Variants in FRMD5 observed in about 807,000 individuals in gnomAD.
FRMD5 encodes FERM domain-containing protein 5.
A neutral mutation model predicts 69.0 loss-of-function variants in FRMD5; 20 were observed. The observed-to-expected ratio is 0.29, with a 90% CI of 0.20 to 0.42. FRMD5 has a LOEUF of 0.42. FRMD5 is among the 10% of genes least tolerant of loss of function. The pLI is 1.00. For synonymous variants in FRMD5, 271 were observed against 260.1 expected (o/e 1.04, Z -0.40); for missense variants, 595 against 708.6 (o/e 0.84, Z 1.82).
At chr15:43,910,852 T>G (rs140551890) in intron 4 of FRMD5, among the ~76,000 whole-genome samples, 1 of 152,330 alleles carries the variant, frequency 6.6e-6, no homozygotes, top group Admixed American at 6.5e-5. Flanking sequence ...TTATTACAGA[T>G]AGAGAAGCTG....
chr15:44,019,055 C>T (rs986468151), intron 1 of FRMD5, among the ~76,000 whole-genome samples: 45 of 151,968 alleles, frequency 3.0e-4, no homozygotes, highest in African/African-American at 9.4e-4. Flanking sequence ...CCACTACATC[C>T]GGCTAATTTT....
intron 1 of FRMD5, among the ~76,000 whole-genome samples, chr15:44,115,605 C>T (rs2076857195): frequency 6.6e-6 from 1 of 152,120 alleles, no homozygotes; most frequent in Non-Finnish European, 1.5e-5. Context: ...ACTTTATGCA[C>T]ATAACTGAAC....
At chr15:44,102,003 T>G (rs1205152567) in intron 1 of FRMD5, among the ~76,000 whole-genome samples, 1 of 152,248 alleles carries the variant, frequency 6.6e-6, no homozygotes, top group Non-Finnish European at 1.5e-5. Flanking sequence ...GAAAGCCATG[T>G]AATTTATTCT....
intron 1 of FRMD5, among the ~76,000 whole-genome samples, chr15:44,039,389 C>T (rs934824102): frequency 6.6e-6 from 1 of 152,202 alleles, no homozygotes; most frequent in Non-Finnish European, 1.5e-5. Flanking sequence ...AGACACCTCC[C>T]AGTAGGGGCC....
At chr15:44,168,742 G>A (rs979668253) in intron 1 of FRMD5, among the ~76,000 whole-genome samples, 3 of 152,114 alleles carry the variant, frequency 2.0e-5, no homozygotes, top group African/African-American at 7.2e-5. Flanking sequence ...TATCCCCAAC[G>A]TACTTCATTT....
rs143152932 is a variant in FRMD5, at chr15:44,102,327, A to G, written c.102+92626T>C. On this transcript the variant is annotated intron_variant, in intron 1 of 13. Transcript: ENST00000417257. ...AGCATCAGTTGAGTTCCACTCAAGG[A>G]AAGATTGAGTTCTGAGAAGGAAGGA... Among the ~76,000 whole-genome samples the G allele has an allele frequency of 3.2e-3, 491 of 152,370 alleles. 1 individual carries two copies. The highest frequency in any genetic ancestry group is 0.011 in the African/African-American group (438 of 41,578).
chr15:44,005,337 G>A (rs1890389511), intron 1 of FRMD5, among the ~76,000 whole-genome samples: 1 of 151,964 alleles, frequency 6.6e-6, no homozygotes, highest in South Asian at 2.1e-4. Context: ...CGGGCATGGT[G>A]GCATGTGCCT....
chr15:43,995,452 T>C (rs1425417674), intron 1 of FRMD5, among the ~76,000 whole-genome samples: 1 of 151,586 alleles, frequency 6.6e-6, no homozygotes, highest in Non-Finnish European at 1.5e-5. Context: ...GCAGGCTGGG[T>C]CCTAGGTCCA....
chr15:44,190,782 T>A (rs1385467364), intron 1 of FRMD5, among the ~76,000 whole-genome samples: 1 of 152,210 alleles, frequency 6.6e-6, no homozygotes, highest in Non-Finnish European at 1.5e-5. Context: ...GAAGTTAACA[T>A]AGCAATCATG....
rs74355526 is a variant in FRMD5 at position 43,930,314 on chromosome 15, C to T, written c.103-6005G>A. 4.1e-3 allele frequency among the ~76,000 whole-genome samples: 617 copies of T among 152,318 alleles called. 6 individuals are homozygous for T. The highest frequency in any genetic ancestry group is 0.014 in the African/African-American group (588 of 41,576). ...CTCATTCCAGGGGGAAATGCAGAGA[C>T]GTCCATCTGCAAGCAATACTCTCTT... is the stretch of plus-strand genomic sequence containing the variant. On this transcript the variant is annotated intron_variant, in intron 1 of 13. Transcript: ENST00000417257.
At chr15:44,071,750 G>A (rs530389165) in intron 1 of FRMD5, among the ~76,000 whole-genome samples, 3 of 152,112 alleles carry the variant, frequency 2.0e-5, no homozygotes, top group African/African-American at 4.8e-5. Flanking sequence ...TTGGACTCTT[G>A]TGTTATTCAT....
At chr15:44,135,554 A>G (rs2077169113) in intron 1 of FRMD5, among the ~76,000 whole-genome samples, 1 of 152,172 alleles carries the variant, frequency 6.6e-6, no homozygotes, top group African/African-American at 2.4e-5. Flanking sequence ...TGGGTCAGGC[A>G]TGGTGGCTCA....
intron 1 of FRMD5, among the ~76,000 whole-genome samples, chr15:44,028,568 T>C (rs1891540710): frequency 6.6e-6 from 1 of 152,190 alleles, no homozygotes; most frequent in Non-Finnish European, 1.5e-5. Flanking sequence ...GGTTCAGGTT[T>C]CCTGAGCCCC....
intron 1 of FRMD5, among the ~76,000 whole-genome samples, chr15:43,999,263 T>G (rs1890072964): frequency 6.6e-6 from 1 of 152,088 alleles, no homozygotes; most frequent in Non-Finnish European, 1.5e-5. Context: ...AGACAAGGCT[T>G]TGACATATTG....
At chr15:43,910,970 C>T (rs1164012000) in intron 4 of FRMD5, among the ~76,000 whole-genome samples, 1 of 152,346 alleles carries the variant, frequency 6.6e-6, no homozygotes, top group East Asian at 1.9e-4. Context: ...TGATATTCTG[C>T]CCTCCTTGCA....
rs145061446 is a variant in FRMD5, at chr15:44,057,055, C to T, written c.103-132746G>A. On this transcript the variant is annotated intron_variant, in intron 1 of 13. Transcript: ENST00000417257. ...CTGTGAGTTCACTCTCCATGACTGACCTTTGATAATGGGAAACAAGCAGCC... is the reference window on the plus strand; with the variant it reads ...CTGTGAGTTCACTCTCCATGACTGATCTTTGATAATGGGAAACAAGCAGCC... Among the ~76,000 whole-genome samples the T allele has an allele frequency of 5.7e-3, 872 of 152,216 alleles. 4 individuals carry two copies. The highest frequency in any genetic ancestry group is 8.9e-3 in the Non-Finnish European group (605 of 68,020).
intron 13 of FRMD5, chr15:43,876,131 T>C (rs947549219): frequency 3.9e-6 from 6 of 1,552,658 alleles, no homozygotes; most frequent in Non-Finnish European, 5.3e-6. Flanking sequence ...GTCTGACCTT[T>C]ACTGCATTGC....
chr15:43,997,728 G>C (rs888650463), intron 1 of FRMD5, among the ~76,000 whole-genome samples: 2 of 152,110 alleles, frequency 1.3e-5, no homozygotes, highest in Non-Finnish European at 2.9e-5. Context: ...ATGATGAAAA[G>C]GAAACACGTC....
chr15:44,171,150 C>G (rs1223612144), intron 1 of FRMD5, among the ~76,000 whole-genome samples: 1 of 152,102 alleles, frequency 6.6e-6, no homozygotes, highest in Non-Finnish European at 1.5e-5. Flanking sequence ...ACCTACTTTT[C>G]TTAAAGTATG....
Sources: allele counts gnomAD v4.1 joint callset (sites outside exome capture counted in the v4.1 genomes callset), GRCh38; gene constraint gnomAD v4.1.1; transcripts MANE v1.5; gene names NCBI Gene and HGNC (gene_info 2026-07-23, HGNC 2026-07-21).